The following FER variants were observed in gnomAD, a reference collection of about 807,000 sequenced individuals.
The protein encoded by FER is FER tyrosine kinase.
In FER, 63 loss-of-function variants were observed where a neutral mutation model predicts 111.0. The ratio of observed to expected loss-of-function variants is 0.57; its 90% CI spans 0.46 to 0.70. FER has a LOEUF of 0.70. Among genes scored for constraint, FER ranks in the 30% least tolerant of loss-of-function variants. The probability of loss-of-function intolerance (pLI) is 0.00; values close to 1 mark genes in which losing one functional copy is unlikely to be tolerated. For synonymous variants in FER, 327 were observed against 313.9 expected, an observed-to-expected ratio of 1.04 and a Z score of -0.44; for missense variants, 914 against 954.0, an observed-to-expected ratio of 0.96 and a Z score of 0.55.
intron 18 of FER, 125 bp from the exon 19 acceptor site, chr5:109,186,075 A>G: frequency 7.5e-7 from 1 of 1,327,102 alleles, no homozygotes. Flanking sequence ...ACTGTCATAT[A>G]TGTGCTCCAT....
chr5:109,065,538 G>A (rs6865568), intron 16 of FER, among the ~76,000 whole-genome samples: 63,658 of 151,940 alleles, frequency 0.42, 13,692 homozygotes, highest in Non-Finnish European at 0.45. Context: ...TTGTGGAAGC[G>A]ATGAAGCTTA....
At chr5:108,916,694 A>G (rs564767469) in intron 10 of FER, among the ~76,000 whole-genome samples, 1 of 152,068 alleles carries the variant, frequency 6.6e-6, no homozygotes, top group Non-Finnish European at 1.5e-5. Flanking sequence ...TTTGCTATTT[A>G]TTAGGCCCCA....
At chr5:108,879,701 A>AAAAAAAAATATATATATATATATAT in intron 8 of FER, among the ~76,000 whole-genome samples, 2 of 99,096 alleles carry the variant, frequency 2.0e-5, no homozygotes, top group African/African-American at 4.8e-5. Flanking sequence ...ATTAAAAAAA[A>AAAAAAAAATATATATATATATATAT]ATATATATAT....
chr5:108,773,149 G>A (rs1329327023), intron 2 of FER, among the ~76,000 whole-genome samples: 2 of 152,044 alleles, frequency 1.3e-5, no homozygotes, highest in African/African-American at 4.8e-5. Flanking sequence ...AAGAGGTAGG[G>A]ATAACTTTTA....
chr5:109,086,622 A>G (rs769035055), intron 16 of FER, among the ~76,000 whole-genome samples: 1 of 151,278 alleles, frequency 6.6e-6, no homozygotes, highest in African/African-American at 2.4e-5. Flanking sequence ...ATTAATTTTC[A>G]TTCCTATCCT....
At chr5:109,149,244 T>C (rs1396294924) in intron 17 of FER, among the ~76,000 whole-genome samples, 1 of 152,166 alleles carries the variant, frequency 6.6e-6, no homozygotes, top group South Asian at 2.1e-4. Context: ...CTCTCACAAA[T>C]GGCTCTTCTC....
intron 17 of FER, among the ~76,000 whole-genome samples, chr5:109,143,039 C>A (rs563994998): frequency 6.6e-6 from 1 of 152,216 alleles, no homozygotes; most frequent in South Asian, 2.1e-4. Context: ...CCTTGCACCA[C>A]TTCTGGCCAC....
chr5:108,950,391 C>T (rs567324225), intron 11 of FER, among the ~76,000 whole-genome samples: 43 of 152,074 alleles, frequency 2.8e-4, no homozygotes, highest in South Asian at 8.3e-4. Flanking sequence ...AAAAATTTTA[C>T]AGCTAGTTTC....
At chr5:108,872,648 T>G (rs1764709211) in intron 8 of FER, among the ~76,000 whole-genome samples, 1 of 152,184 alleles carries the variant, frequency 6.6e-6, no homozygotes, top group Non-Finnish European at 1.5e-5. Context: ...CAGGGATGTC[T>G]TCTGTTATAG....
intron 13 of FER, among the ~76,000 whole-genome samples, chr5:108,987,164 G>C (rs1460411920): frequency 1.3e-5 from 2 of 152,102 alleles, no homozygotes; most frequent in Admixed American, 1.3e-4. Flanking sequence ...ACCTTGTAGA[G>C]GCTGGGTGCA....
intron 13 of FER, among the ~76,000 whole-genome samples, chr5:108,966,444 G>C (rs1759847283): frequency 7.0e-6 from 1 of 143,752 alleles, no homozygotes; most frequent in East Asian, 2.0e-4. Context: ...CTGGAGTGCA[G>C]TGGCATGATC....
At chr5:109,022,815 G>C (rs1768110177) in intron 13 of FER, among the ~76,000 whole-genome samples, 1 of 152,046 alleles carries the variant, frequency 6.6e-6, no homozygotes, top group African/African-American at 2.4e-5. Context: ...ACAATAACCA[G>C]ATGCTTCATC....
chr5:108,758,313 G>A (rs911705429), intron 1 of FER, among the ~76,000 whole-genome samples: 2 of 151,594 alleles, frequency 1.3e-5, no homozygotes, highest in African/African-American at 4.9e-5. Context: ...ACCTAGAGTT[G>A]AATCTGTGCT....
At chr5:108,868,567 T>A (rs1764303769) in intron 6 of FER, among the ~76,000 whole-genome samples, 1 of 152,096 alleles carries the variant, frequency 6.6e-6, no homozygotes, top group Admixed American at 6.6e-5. Flanking sequence ...CCTTGCTTAG[T>A]TGTTTTAGTG....
intron 10 of FER, among the ~76,000 whole-genome samples, chr5:108,930,179 T>TA (rs1240450078): frequency 6.6e-6 from 1 of 151,656 alleles, no homozygotes; most frequent in African/African-American, 2.4e-5. Context: ...TTTTTTAACT[T>TA]AAAAAAATGT....
chr5:109,104,804 G>C (rs984896106), intron 17 of FER, among the ~76,000 whole-genome samples: 1 of 151,662 alleles, frequency 6.6e-6, no homozygotes, highest in African/African-American at 2.4e-5. Flanking sequence ...GTGCAGTGGC[G>C]CCATCTCGGC....
intron 3 of FER, among the ~76,000 whole-genome samples, chr5:108,806,684 G>C (rs1473706834): frequency 1.3e-5 from 2 of 152,214 alleles, no homozygotes; most frequent in Non-Finnish European, 2.9e-5. Context: ...CTGGATTTCA[G>C]ACTTGCATGG....
At chr5:109,155,944 T>C (rs1323718594) in intron 17 of FER, among the ~76,000 whole-genome samples, 1 of 152,018 alleles carries the variant, frequency 6.6e-6, no homozygotes. Flanking sequence ...GGGGTTCTAA[T>C]TGATAATACA....
intron 17 of FER, among the ~76,000 whole-genome samples, chr5:109,118,435 A>C (rs1032721698): frequency 1.3e-5 from 2 of 152,062 alleles, no homozygotes; most frequent in Non-Finnish European, 2.9e-5. Context: ...TTTTTGCATC[A>C]ATGTTCATCA....
Sources: allele counts gnomAD v4.1 joint callset (sites outside exome capture counted in the v4.1 genomes callset), GRCh38; gene constraint gnomAD v4.1.1; transcripts MANE v1.5; gene names NCBI Gene and HGNC (gene_info 2026-07-23, HGNC 2026-07-21).